Variants in RETSAT observed in about 807,000 individuals in gnomAD.
The protein encoded by RETSAT is retinol saturase.
A neutral mutation model predicts 61.6 loss-of-function variants in RETSAT; 35 were observed. That is an observed-to-expected ratio of 0.57 (90% CI 0.43 to 0.75). The LOEUF (loss-of-function observed/expected upper bound fraction) is 0.75. Ranked by LOEUF, RETSAT falls within the 30% of genes least tolerant of loss-of-function variation. RETSAT has a pLI of 0.00. For synonymous variants in RETSAT, 277 were observed against 310.4 expected (o/e 0.89, Z 1.13); for missense variants, 670 against 759.5 (o/e 0.88, Z 1.38).
Position 85,344,339 on chromosome 2 carries a change from G to A in RETSAT, c.1266C>T (p.Arg422=). The A allele has an allele frequency of 6.2e-7, 1 of 1,613,748 alleles. No individual in the cohort carries two copies. The highest frequency in any genetic ancestry group is 1.1e-5 in the South Asian group (1 of 91,074). The change falls in exon 8 of 11, where the codon CGC becomes CGT. Residue 422 remains arginine, a synonymous_variant. Transcript: ENST00000295802. ...YDTDMDQAME[R]YVSMPREEAA... ...CCTCTTCCCTGGGCATGGAGACGTA[G>A]CGCTCCATCCTGCATGTGACAAGAG... is the stretch of plus-strand genomic sequence containing the variant.
At chr2:85,353,326 C>T (rs1047393714) in intron 1 of RETSAT, among the ~76,000 whole-genome samples, 5 of 152,156 alleles carry the variant, frequency 3.3e-5, no homozygotes, top group Admixed American at 1.3e-4. Flanking sequence ...GCCCACTACT[C>T]GGGAGGCTGA....
intron 6 of RETSAT, among the ~76,000 whole-genome samples, chr2:85,344,944 A>G (rs1683168652): frequency 6.6e-6 from 1 of 152,064 alleles, no homozygotes; most frequent in African/African-American, 2.4e-5. Context: ...TTGTAACCAG[A>G]CAGTGAGAGG....
At chr2:85,348,437 T>C (rs545460007) in intron 5 of RETSAT, among the ~76,000 whole-genome samples, 6 of 152,166 alleles carry the variant, frequency 3.9e-5, no homozygotes, top group Middle Eastern at 3.4e-3. Context: ...GAGACCATCC[T>C]GGCTAACACA....
rs367562806 is a variant in RETSAT at position 85,350,117 on chromosome 2, C to A, written c.722G>T (p.Ser241Ile). 6 of 1,613,900 alleles carry A rather than the reference C, an allele frequency of 3.7e-6. No individual in the cohort carries two copies. The African/African-American group carries it at 5.3e-5, about 14-fold the overall frequency. ...CAGCTGCTGCAGGACCTCAGCCAGG[C>A]TCTGGGTGGATGCTTGAAGGAATGG... Reference protein sequence around the residue: ...FSPFLQASTQSLAEVLQQLGA... With the variant: ...FSPFLQASTQILAEVLQQLGA... Residue 241 changes from serine to isoleucine, a missense_variant, in exon 4 of 11, where the codon AGC becomes ATC. Coordinates refer to ENST00000295802, the MANE Select transcript of RETSAT (RefSeq NM_017750.4).
Position 85,354,524 on chromosome 2 carries a change from C to A in RETSAT, c.-17G>T. ...AAGCCACATCACGCCGGCGTCGGGT[C>A]GGGTAAATGGGACAGCTCCGACTGC... is the stretch of plus-strand genomic sequence containing the variant. On this transcript the variant is annotated 5_prime_UTR_variant, in exon 1 of 11. Coordinates refer to ENST00000295802, the MANE Select transcript of RETSAT (RefSeq NM_017750.4). The A allele has an allele frequency of 6.3e-7, 1 of 1,596,514 alleles. No homozygotes were observed. The highest frequency in any genetic ancestry group is 8.5e-7 in the Non-Finnish European group (1 of 1,171,540).
chr2:85,349,983 T>C (rs1683270162), intron 4 of RETSAT, 57 bp downstream of exon 4: 1 of 1,516,096 alleles, frequency 6.6e-7, no homozygotes, highest in Non-Finnish European at 9.1e-7. Flanking sequence ...GATTGAGAGA[T>C]GAGAGGGCAG....
chr2:85,349,991 C>T (rs1306625856), intron 4 of RETSAT, 49 bp downstream of exon 4: 3 of 1,549,658 alleles, frequency 1.9e-6, no homozygotes, highest in Non-Finnish European at 2.7e-6. Flanking sequence ...GATGAGAGGG[C>T]AGCCGTTCCT....
rs562096634 is a variant in RETSAT, at chr2:85,352,641, C to G, written c.173-779G>C. Among the ~76,000 whole-genome samples the G allele has an allele frequency of 2.6e-5, 4 of 152,310 alleles. No individual in the cohort carries two copies. In the South Asian group the frequency reaches 8.3e-4, roughly 32 times the overall value. On this transcript the variant is annotated intron_variant, in intron 1 of 10. Transcript: ENST00000295802. ...AAGTGATCCACCCACCTCGGCCTCCCAAATTGCTGGGATTACAGGCATGAG... is the reference window on the plus strand; with the variant it reads ...AAGTGATCCACCCACCTCGGCCTCCGAAATTGCTGGGATTACAGGCATGAG...
intron 8 of RETSAT, 28 bp downstream of exon 8, chr2:85,344,210 AC>A: frequency 6.2e-7 from 1 of 1,612,936 alleles, no homozygotes; most frequent in Non-Finnish European, 8.5e-7. Flanking sequence ...CTCTCCCTCC[AC>A]CCCCTCACCC....
chr2:85,350,322 C>G, intron 3 of RETSAT, 81 bp from the exon 4 acceptor site: 4 of 1,049,410 alleles, frequency 3.8e-6, no homozygotes, highest in Non-Finnish European at 5.9e-6. Flanking sequence ...CTGGACCAGC[C>G]CAAGAATCCA....
Position 85,354,454 on chromosome 2 carries a change from G to T in RETSAT, c.54C>A (p.Cys18Ter). 1.2e-6 allele frequency: 2 copies of T among 1,614,112 alleles called. No individual in the cohort carries two copies. Among genetic ancestry groups the T allele is most frequent in the Non-Finnish European group, 1.7e-6 (2 of 1,180,000 alleles). Residue 18 changes from cysteine to a stop codon, truncating the protein, a stop_gained, in exon 1 of 11, where the codon TGC becomes TGA. Transcript: ENST00000295802. LOFTEE classifies it high-confidence loss of function. Reference protein sequence around the residue: ...LLAVLLLAVLCKVYLGLFSGS... With the variant: ...LLAVLLLAVL ...CAGAGAATAGTCCCAAGTAAACTTTGCAGAGGACGGCCAGCAGCAGCACAG... is the reference window on the plus strand; with the variant it reads ...CAGAGAATAGTCCCAAGTAAACTTTTCAGAGGACGGCCAGCAGCAGCACAG...
At chr2:85,350,732 C>G (rs201819190) in intron 3 of RETSAT, 48 bp downstream of exon 3, 1 of 1,610,406 alleles carries the variant, frequency 6.2e-7, no homozygotes, top group Admixed American at 1.7e-5. Context: ...ATAAAGAAAC[C>G]CAGCCTTATC....
chr2:85,353,284 C>T (rs1250693426), intron 1 of RETSAT, among the ~76,000 whole-genome samples: 2 of 152,188 alleles, frequency 1.3e-5, no homozygotes, highest in Admixed American at 1.3e-4. Context: ...GAAACCCTGT[C>T]TCTACTAAAA....
intron 7 of RETSAT, 99 bp from the exon 8 acceptor site, chr2:85,344,447 G>T (rs577333467): frequency 2.6e-6 from 4 of 1,519,472 alleles, no homozygotes; most frequent in African/African-American, 1.4e-5. Flanking sequence ...CCCCACAGGG[G>T]TGAAGCTGAG....
At chr2:85,348,832 C>T (rs1431957901) in intron 5 of RETSAT, among the ~76,000 whole-genome samples, 1 of 150,362 alleles carries the variant, frequency 6.7e-6, no homozygotes, top group Non-Finnish European at 1.5e-5. Context: ...CTCACTGCAA[C>T]CTCTACCTCC....
rs1683114497 is a variant in RETSAT, at chr2:85,343,079, C to T, written c.*163G>A. On this transcript the variant is annotated 3_prime_UTR_variant, in exon 11 of 11. Transcript: ENST00000295802. Reference sequence around the variant, plus strand: ...CAGCTGGAAGCAGTGATTCCATTGCCCCAGATTCGGAATTGTGATTTAAAC... The same window carrying T: ...CAGCTGGAAGCAGTGATTCCATTGCTCCAGATTCGGAATTGTGATTTAAAC... 3 of 972,176 alleles carry T rather than the reference C, an allele frequency of 3.1e-6. No homozygotes were observed. The highest frequency in any genetic ancestry group is 2.7e-5 in the Admixed American group (1 of 36,732). The allele number at this position is 972,176 out of a possible 1,614,324, so 60.2% of individuals were successfully genotyped here. A position where few individuals can be genotyped will look rare whatever the true frequency, so the allele number is the denominator to read the frequency against.
chr2:85,343,104 C>G lies in RETSAT; in HGVS notation c.*138G>C, dbSNP rs1256881802. 7.9e-7 allele frequency: 1 copy of G among 1,259,392 alleles called. No individual in the cohort carries two copies. The highest frequency in any genetic ancestry group is 1.1e-6 in the Non-Finnish European group (1 of 901,528). 78.0% of individuals were successfully genotyped at this position (1,259,392 alleles called of 1,614,324 possible). ...CCCAGATTCGGAATTGTGATTTAAACTAGGCCTCTCTTCAGGCATCAGAAC... is the reference window on the plus strand; with the variant it reads ...CCCAGATTCGGAATTGTGATTTAAAGTAGGCCTCTCTTCAGGCATCAGAAC... On this transcript the variant is annotated 3_prime_UTR_variant, in exon 11 of 11. Coordinates refer to ENST00000295802, the MANE Select transcript of RETSAT (RefSeq NM_017750.4).
chr2:85,351,280 C>A, intron 2 of RETSAT: 1 of 512,668 alleles, frequency 2.0e-6, no homozygotes, highest in Non-Finnish European at 3.5e-6. Context: ...AATCCCAACA[C>A]TTTGGGAGGC....
In RETSAT at chr2:85,351,883, G is replaced by A. The variant is rs780740093; in HGVS notation, c.173-21C>T. On this transcript the variant is annotated intron_variant, in intron 1 of 10. Coordinates refer to ENST00000295802, the MANE Select transcript of RETSAT (RefSeq NM_017750.4). ...AAAAGCTACAGCAGAAGGGCCAAAG[G>A]GTGGGTTTCTCAGGCAGGGGCAGGG... 1.1e-5 allele frequency: 18 copies of A among 1,608,360 alleles called. No homozygotes were observed. The Admixed American group carries it at 3.0e-4, about 27-fold the overall frequency.
Sources: allele counts gnomAD v4.1 joint callset (sites outside exome capture counted in the v4.1 genomes callset), GRCh38; gene constraint gnomAD v4.1.1; transcripts MANE v1.5; gene names NCBI Gene and HGNC (gene_info 2026-07-23, HGNC 2026-07-21).